STK39: variants seen among roughly 807,000 people sequenced by gnomAD.
STK39 encodes the protein serine/threonine kinase 39, also known as STE20/SPS1-related proline-alanine-rich protein kinase.
A neutral mutation model predicts 77.8 loss-of-function variants in STK39; 20 were observed. That is an observed-to-expected ratio of 0.26 (90% CI 0.18 to 0.37). STK39 has a LOEUF of 0.37. Among genes scored for constraint, STK39 ranks in the 10% least tolerant of loss-of-function variants. The pLI, the probability that STK39 is intolerant of heterozygous loss-of-function variation, is 1.00. For synonymous variants in STK39, 246 were observed against 234.1 expected (o/e 1.05, Z -0.47); for missense variants, 479 against 656.5 (o/e 0.73, Z 2.95).
intron 12 of STK39, among the ~76,000 whole-genome samples, chr2:168,068,591 G>A (rs1228860351): frequency 6.6e-6 from 1 of 152,126 alleles, no homozygotes; most frequent in Non-Finnish European, 1.5e-5. Flanking sequence ...GGAATATATG[G>A]GAACTCTGCA....
intron 2 of STK39, among the ~76,000 whole-genome samples, chr2:168,181,733 T>G (rs1689086539): frequency 6.6e-6 from 1 of 152,170 alleles, no homozygotes; most frequent in Non-Finnish European, 1.5e-5. Context: ...CTGAGGCCAT[T>G]CTCACCTTGG....
intron 10 of STK39, among the ~76,000 whole-genome samples, chr2:168,122,320 A>G (rs1687428876): frequency 6.6e-6 from 1 of 152,190 alleles, no homozygotes; most frequent in Non-Finnish European, 1.5e-5. Context: ...TTTGCTTAGG[A>G]TAATGGTCTC....
intron 17 of STK39, among the ~76,000 whole-genome samples, chr2:167,963,395 ATC>A (rs1246005127): frequency 6.6e-6 from 1 of 152,134 alleles, no homozygotes; most frequent in East Asian, 1.9e-4. Flanking sequence ...TCAAACTCTT[ATC>A]TCTGTTTGCA....
intron 1 of STK39, among the ~76,000 whole-genome samples, chr2:168,240,020 T>C (rs1018476035): frequency 1.3e-5 from 2 of 152,218 alleles, no homozygotes; most frequent in Non-Finnish European, 2.9e-5. Flanking sequence ...CTTTTCCACA[T>C]GCATATTATA....
intron 10 of STK39, among the ~76,000 whole-genome samples, chr2:168,108,167 G>C (rs1687028506): frequency 6.6e-6 from 1 of 152,160 alleles, no homozygotes; most frequent in South Asian, 2.1e-4. Flanking sequence ...TCTATGTCAA[G>C]AGCACAGTTT....
At chr2:168,039,599 C>CAA (rs1173242043) in intron 14 of STK39, among the ~76,000 whole-genome samples, 279 of 7,698 alleles carry the variant, frequency 0.036, 28 homozygotes, top group Middle Eastern at 0.2. Context: ...ACTCCGTCTC[C>CAA]AAAAAAAAAA....
intron 14 of STK39, among the ~76,000 whole-genome samples, chr2:168,036,021 C>T (rs186536310): frequency 1.7e-4 from 26 of 152,174 alleles, no homozygotes; most frequent in African/African-American, 6.3e-4. Flanking sequence ...TATAACACAG[C>T]GAATACGTGA....
chr2:167,977,962 T>A (rs1055152781), intron 16 of STK39, among the ~76,000 whole-genome samples: 2 of 151,882 alleles, frequency 1.3e-5, no homozygotes, highest in Admixed American at 1.3e-4. Flanking sequence ...AAGTGGGGAG[T>A]GCTGACTGGT....
intron 16 of STK39, among the ~76,000 whole-genome samples, chr2:168,001,378 G>T (rs1683997158): frequency 6.6e-6 from 1 of 151,920 alleles, no homozygotes; most frequent in South Asian, 2.1e-4. Context: ...AAATCTATCG[G>T]CAGGTGACCA....
intron 14 of STK39, among the ~76,000 whole-genome samples, chr2:168,017,564 G>C (rs1462770352): frequency 6.6e-6 from 1 of 151,668 alleles, no homozygotes; most frequent in African/African-American, 2.4e-5. Flanking sequence ...TAGAGATGGG[G>C]TTTCTCCATG....
intron 10 of STK39, among the ~76,000 whole-genome samples, chr2:168,097,668 A>G (rs1686705834): frequency 6.6e-6 from 1 of 152,064 alleles, no homozygotes; most frequent in African/African-American, 2.4e-5. Flanking sequence ...CCAGGAGTGC[A>G]CGCTTCAGTG....
chr2:168,183,041 G>A (rs1001369467), intron 1 of STK39, among the ~76,000 whole-genome samples: 1 of 152,150 alleles, frequency 6.6e-6, no homozygotes, highest in East Asian at 1.9e-4. Flanking sequence ...AGGGAAAGCA[G>A]GGGAGTATTT....
intron 10 of STK39, among the ~76,000 whole-genome samples, chr2:168,095,620 TTTC>T (rs201437631): frequency 0.023 from 1,717 of 74,412 alleles, 22 homozygotes; most frequent in African/African-American, 0.066. Context: ...CGTGTATCTC[TTTC>T]TTTTTTTTTT....
At chr2:167,959,842 G>A (rs1407057148) in intron 17 of STK39, among the ~76,000 whole-genome samples, 6 of 152,084 alleles carry the variant, frequency 3.9e-5, no homozygotes, top group South Asian at 2.1e-4. Flanking sequence ...CATGTGTGCC[G>A]ACATTACCAG....
intron 1 of STK39, among the ~76,000 whole-genome samples, chr2:168,190,488 C>T (rs1041533792): frequency 1.3e-5 from 2 of 152,188 alleles, no homozygotes; most frequent in Non-Finnish European, 2.9e-5. Flanking sequence ...AGAGCTCATT[C>T]TGAAGAGCAA....
At chr2:168,021,780 G>A (rs1684578103) in intron 14 of STK39, among the ~76,000 whole-genome samples, 1 of 90,666 alleles carries the variant, frequency 1.1e-5, no homozygotes, top group South Asian at 3.3e-4. Flanking sequence ...AACTCAGAAA[G>A]GACATTTATT....
intron 1 of STK39, among the ~76,000 whole-genome samples, chr2:168,228,995 A>T (rs1347201952): frequency 3.3e-5 from 5 of 152,152 alleles, no homozygotes; most frequent in African/African-American, 1.2e-4. Flanking sequence ...CTTTATAAAG[A>T]TAACATTTAG....
At chr2:167,980,095 A>T (rs1683374647) in intron 16 of STK39, among the ~76,000 whole-genome samples, 1 of 152,252 alleles carries the variant, frequency 6.6e-6, no homozygotes, top group Non-Finnish European at 1.5e-5. Flanking sequence ...GCTCACATGC[A>T]GCTAGTACTA....
intron 10 of STK39, among the ~76,000 whole-genome samples, chr2:168,102,998 G>A (rs1156823270): frequency 6.6e-6 from 1 of 151,038 alleles, no homozygotes; most frequent in Non-Finnish European, 1.5e-5. Flanking sequence ...TCAATATGAG[G>A]ACTATTTGGA....
Sources: gnomAD v4.1 joint callset for allele counts (sites outside exome capture counted in the v4.1 genomes callset) on GRCh38, gnomAD v4.1.1 for gene constraint, MANE v1.5 for transcripts, NCBI Gene and HGNC (gene_info 2026-07-23, HGNC 2026-07-21) for gene names.